The following FER variants were observed in gnomAD, a reference collection of about 807,000 sequenced individuals.
FER encodes FER tyrosine kinase, also known as tyrosine-protein kinase Fer.
A neutral mutation model predicts 111.0 loss-of-function variants in FER; 63 were observed. The observed-to-expected ratio is 0.57, with a 90% CI of 0.46 to 0.70. FER has a LOEUF of 0.70. FER is among the 30% of genes least tolerant of loss of function. The pLI, the probability that FER is intolerant of heterozygous loss-of-function variation, is 0.00. For missense variants in FER, 914 were observed against 954.0 expected (o/e 0.96, Z 0.55); for synonymous variants, 327 against 313.9 (o/e 1.04, Z -0.44).
At chr5:108,775,893 A>G (rs569962427) in intron 2 of FER, among the ~76,000 whole-genome samples, 18 of 152,246 alleles carry the variant, frequency 1.2e-4, no homozygotes, top group Middle Eastern at 3.4e-3. Flanking sequence ...ATGTGAGGTT[A>G]GTTTTTTGGT....
At chr5:109,137,002 A>C (rs777165885) in intron 17 of FER, among the ~76,000 whole-genome samples, 2 of 152,218 alleles carry the variant, frequency 1.3e-5, no homozygotes. Flanking sequence ...AATACAGGCT[A>C]TACAACTTGT....
intron 17 of FER, among the ~76,000 whole-genome samples, chr5:109,104,188 C>T (rs1748600215): frequency 6.6e-6 from 1 of 152,176 alleles, no homozygotes; most frequent in South Asian, 2.1e-4. Context: ...AGTAAGCTAA[C>T]AACTTTACAA....
At chr5:108,827,079 G>A (rs1409580723) in intron 3 of FER, among the ~76,000 whole-genome samples, 3 of 152,056 alleles carry the variant, frequency 2.0e-5, no homozygotes, top group African/African-American at 4.8e-5. Context: ...ATTCATAATT[G>A]GTTTATGACA....
At chr5:109,179,896 C>T (rs535974593) in intron 17 of FER, among the ~76,000 whole-genome samples, 14 of 152,040 alleles carry the variant, frequency 9.2e-5, no homozygotes, top group Non-Finnish European at 1.9e-4. Context: ...TATTGAATGT[C>T]CTCCCCACCA....
chr5:109,150,602 T>C (rs1486051690), intron 17 of FER, among the ~76,000 whole-genome samples: 3 of 152,214 alleles, frequency 2.0e-5, no homozygotes, highest in Non-Finnish European at 4.4e-5. Context: ...TAGAATAGCA[T>C]GGCATTGGCC....
At chr5:109,096,937 G>A (rs554103147) in intron 16 of FER, among the ~76,000 whole-genome samples, 23 of 147,816 alleles carry the variant, frequency 1.6e-4, no homozygotes, top group Non-Finnish European at 2.7e-4. Context: ...AGTATAAATA[G>A]TAAATAGTAT....
chr5:108,796,897 A>G (rs780151938), intron 2 of FER, among the ~76,000 whole-genome samples: 2 of 151,868 alleles, frequency 1.3e-5, no homozygotes, highest in Admixed American at 6.6e-5. Flanking sequence ...AAGGTGTAAG[A>G]CAAAGTCCCC....
At chr5:109,185,263 C>T (rs893118921) in intron 18 of FER, among the ~76,000 whole-genome samples, 1 of 152,098 alleles carries the variant, frequency 6.6e-6, no homozygotes, top group Non-Finnish European at 1.5e-5. Context: ...GGTATTTCAA[C>T]AAAACAAGGC....
At position 108,832,885 on chromosome 5, in the gene FER, A is replaced by G. The variant is rs1482444077; in HGVS notation, c.323A>G (p.Gln108Arg). The G allele has an allele frequency of 6.2e-7, 1 of 1,607,428 alleles. No individual in the cohort carries two copies. The highest frequency in any genetic ancestry group is 1.7e-4 in the Middle Eastern group (1 of 6,030). ...HRLTMMIKDKQQVKKSYIGVH... is the reference protein window; with the variant it reads ...HRLTMMIKDKRQVKKSYIGVH... ...CTCACCATGATGATTAAGGACAAGC[A>G]GCAGGTGAAGAAAAGTTACATAGGT... The change falls in exon 4 of 20, where the codon CAG becomes CGG. Residue 108 changes from glutamine to arginine, a missense_variant. Coordinates refer to ENST00000281092, the MANE Select transcript of FER (RefSeq NM_005246.4).
At chr5:109,093,659 A>T (rs368860507) in intron 16 of FER, among the ~76,000 whole-genome samples, 2 of 152,118 alleles carry the variant, frequency 1.3e-5, no homozygotes, top group East Asian at 3.9e-4. Context: ...GACATTTGTA[A>T]ATATTTTACC....
intron 13 of FER, among the ~76,000 whole-genome samples, chr5:109,012,590 T>C (rs1165093802): frequency 6.6e-6 from 1 of 152,218 alleles, no homozygotes; most frequent in African/African-American, 2.4e-5. Context: ...TTCCAAAAAT[T>C]TGAGACCTGT....
At chr5:108,965,061 C>T (rs1425398037) in intron 13 of FER, among the ~76,000 whole-genome samples, 2 of 151,858 alleles carry the variant, frequency 1.3e-5, no homozygotes, top group South Asian at 2.1e-4. Context: ...TTGAAAAAAA[C>T]GTTCTGAACT....
intron 3 of FER, 56 bp from the exon 4 acceptor site, chr5:108,832,714 C>A: frequency 7.8e-7 from 1 of 1,287,422 alleles, no homozygotes; most frequent in Non-Finnish European, 1.0e-6. Flanking sequence ...TCTTAAAGCA[C>A]AGCTAAATGG....
intron 17 of FER, among the ~76,000 whole-genome samples, chr5:109,154,176 A>G (rs1399283653): frequency 6.6e-6 from 1 of 151,926 alleles, no homozygotes; most frequent in Non-Finnish European, 1.5e-5. Flanking sequence ...AGTGTAACAG[A>G]TGTTTTGACA....
chr5:109,122,848 C>A (rs781056500), intron 17 of FER, among the ~76,000 whole-genome samples: 1 of 151,898 alleles, frequency 6.6e-6, no homozygotes, highest in Non-Finnish European at 1.5e-5. Flanking sequence ...TAGTTTTTGT[C>A]TTGAAAGCTA....
At chr5:108,788,669 T>C (rs1312310697) in intron 2 of FER, among the ~76,000 whole-genome samples, 1 of 152,196 alleles carries the variant, frequency 6.6e-6, no homozygotes, top group Non-Finnish European at 1.5e-5. Context: ...GGTTTTATCC[T>C]TGACTCTCTG....
intron 17 of FER, among the ~76,000 whole-genome samples, chr5:109,131,597 C>T (rs573823964): frequency 6.6e-6 from 1 of 151,882 alleles, no homozygotes; most frequent in Admixed American, 6.6e-5. Flanking sequence ...AATTTTTCTT[C>T]TAATAGGAAA....
In FER at chr5:109,046,365, G is replaced by A. The variant is rs181030950; in HGVS notation, c.1830-739G>A. On this transcript the variant is annotated intron_variant, in intron 15 of 19. Coordinates refer to ENST00000281092, the MANE Select transcript of FER (RefSeq NM_005246.4). Reference sequence around the variant, plus strand: ...TTAAAAAATATATATATATATATGCGCTACCCTAGCAGCTTACAATTTTTG... The same window carrying A: ...TTAAAAAATATATATATATATATGCACTACCCTAGCAGCTTACAATTTTTG... 8.0e-4 allele frequency among the ~76,000 whole-genome samples: 121 copies of A among 151,976 alleles called. 1 individual carries two copies. The highest frequency in any genetic ancestry group is 1.6e-3 in the Admixed American group (24 of 15,262).
chr5:108,824,258 G>C (rs1759203569), intron 3 of FER, among the ~76,000 whole-genome samples: 1 of 151,908 alleles, frequency 6.6e-6, no homozygotes, highest in Non-Finnish European at 1.5e-5. Context: ...TTAGCATTCA[G>C]GGTATTTTAT....
Sources: gnomAD v4.1 joint callset for allele counts (sites outside exome capture counted in the v4.1 genomes callset) on GRCh38, gnomAD v4.1.1 for gene constraint, MANE v1.5 for transcripts, NCBI Gene and HGNC (gene_info 2026-07-23, HGNC 2026-07-21) for gene names.